Variants in NHSL1 observed in about 807,000 individuals in gnomAD.
The protein encoded by NHSL1 is NHS like 1, also known as NHS-like protein 1.
A neutral mutation model predicts 95.0 loss-of-function variants in NHSL1; 48 were observed. The observed-to-expected ratio is 0.51, with a 90% CI of 0.40 to 0.64. NHSL1 has a LOEUF of 0.64. NHSL1 is among the 30% of genes least tolerant of loss of function. The pLI, the probability that NHSL1 is intolerant of heterozygous loss-of-function variation, is 0.00. For missense variants in NHSL1, 1,971 were observed against 2,077.7 expected (o/e 0.95, Z 1.00); for synonymous variants, 783 against 833.9 (o/e 0.94, Z 1.05).
Position 138,423,878 on chromosome 6 carries a change from C to T in NHSL1, c.*203G>A, listed in dbSNP as rs1775067082. On this transcript the variant is annotated 3_prime_UTR_variant, in exon 8 of 8. Transcript: ENST00000343505. ...GCACTTTCAGAAGTTTAAGCTTCTA[C>T]TTGTTCTTAAGCCACAGGGCAAGTG... 3.2e-6 allele frequency: 1 copy of T among 307,972 alleles called. No individual in the cohort carries two copies. Among genetic ancestry groups the T allele is most frequent in the South Asian group, 1.6e-4 (1 of 6,188 alleles). The allele number at this position is 307,972 out of a possible 1,614,324, so 19.1% of individuals were successfully genotyped here.
chr6:138,555,288 G>A (rs906784075), intron 1 of NHSL1, among the ~76,000 whole-genome samples: 1 of 152,148 alleles, frequency 6.6e-6, no homozygotes, highest in African/African-American at 2.4e-5. Context: ...TCATGGTAAT[G>A]GCTGGGATTT....
At position 138,433,506 on chromosome 6, in the gene NHSL1, C is replaced by T; in HGVS notation, c.839G>A (p.Arg280Lys). 6.4e-7 allele frequency: 1 copy of T among 1,552,050 alleles called. No homozygotes were observed. Among genetic ancestry groups the T allele is most frequent in the African/African-American group, 1.4e-5 (1 of 73,154 alleles). ...AGCAATGCCTTGCCCCTTCTGTGCC[C>T]TGATTCTCCTCATGGAAGGTGGTAC... is the stretch of plus-strand genomic sequence containing the variant. ...KVVPPSMRRIRAQKGQGIAAQ... is the reference protein window; with the variant it reads ...KVVPPSMRRIKAQKGQGIAAQ... Residue 280 changes from arginine to lysine, a missense_variant, in exon 6 of 8, where the codon AGG becomes AAG. Physicochemically the swap from Arg to Lys is conservative, Grantham distance 26. This residue lies in a region of NHSL1 where 1,602 missense variants were observed against 1,654.5 expected (regional missense o/e 0.97). Coordinates refer to ENST00000343505, the MANE Select transcript of NHSL1 (RefSeq NM_001144060.2).
chr6:138,498,302 C>T (rs1780477971), intron 1 of NHSL1, among the ~76,000 whole-genome samples: 3 of 152,206 alleles, frequency 2.0e-5, no homozygotes, highest in South Asian at 2.1e-4. Flanking sequence ...ATCAATCGCA[C>T]CATCGGCCCC....
chr6:138,596,991 T>C (rs1467467897), intron 1 of NHSL1, among the ~76,000 whole-genome samples: 1 of 152,034 alleles, frequency 6.6e-6, no homozygotes, highest in East Asian at 1.9e-4. Context: ...AAACCCTGTC[T>C]CTACCAAAAA....
intron 1 of NHSL1, among the ~76,000 whole-genome samples, chr6:138,558,131 CT>C (rs952535314): frequency 2.2e-4 from 33 of 150,552 alleles, no homozygotes; most frequent in East Asian, 1.2e-3. Context: ...TTTTGGGGGG[CT>C]TTTTTTTTGA....
At chr6:138,541,690 GT>G (rs1782587329) in intron 1 of NHSL1, among the ~76,000 whole-genome samples, 2 of 152,126 alleles carry the variant, frequency 1.3e-5, no homozygotes, top group Middle Eastern at 3.4e-3. Context: ...TTTGTTTTTT[GT>G]TTTTCCCCTT....
At position 138,654,530 on chromosome 6, in the gene NHSL1, T is replaced by A. The variant is rs559910348; in HGVS notation, c.96+37946A>T. On this transcript the variant is annotated intron_variant, in intron 1 of 3. Transcript: ENST00000491526. ...TACAATCATATTTTTTAAATTATTT[T>A]AATTTTTTTAAAGAAATACTAAGAA... is the stretch of plus-strand genomic sequence containing the variant. 4.1e-4 allele frequency among the ~76,000 whole-genome samples: 63 copies of A among 152,346 alleles called. 1 individual carries two copies. Among genetic ancestry groups the A allele is most frequent in the South Asian group, 1.0e-3 (5 of 4,828 alleles).
At chr6:138,585,078 C>T (rs58003101) in intron 1 of NHSL1, among the ~76,000 whole-genome samples, 27,612 of 152,102 alleles carry the variant, frequency 0.18, 3,215 homozygotes, top group East Asian at 0.38. Flanking sequence ...AAGTGAGAAA[C>T]GCACATTATT....
chr6:138,572,113 G>T (rs533944428), exon 1 of NHSL1: 4 of 547,740 alleles, frequency 7.3e-6, no homozygotes, highest in Non-Finnish European at 1.3e-5. Flanking sequence ...AGAAAGAAAA[G>T]AAAAATGTTT....
chr6:138,552,948 G>A (rs1229949246), intron 1 of NHSL1, among the ~76,000 whole-genome samples: 1 of 152,154 alleles, frequency 6.6e-6, no homozygotes, highest in Non-Finnish European at 1.5e-5. Flanking sequence ...TTGAGACAGA[G>A]TACTCCTTGG....
At chr6:138,458,192 T>G (rs963460071) in intron 3 of NHSL1, among the ~76,000 whole-genome samples, 1 of 152,092 alleles carries the variant, frequency 6.6e-6, no homozygotes, top group Non-Finnish European at 1.5e-5. Flanking sequence ...AAGATTTAGG[T>G]CTATTTCTAG....
chr6:138,684,053 A>T (rs369751819), intron 1 of NHSL1, among the ~76,000 whole-genome samples: 11 of 152,014 alleles, frequency 7.2e-5, no homozygotes, highest in Admixed American at 2.0e-4. Flanking sequence ...TCTACTAAAA[A>T]TACAAAAAAT....
At chr6:138,680,626 AT>A (rs1206889134) in intron 1 of NHSL1, among the ~76,000 whole-genome samples, 1 of 151,914 alleles carries the variant, frequency 6.6e-6, no homozygotes, top group South Asian at 2.1e-4. Context: ...CTTTTATTTT[AT>A]TTTTTTTAAA....
chr6:138,528,140 C>T (rs1229442997), intron 1 of NHSL1, among the ~76,000 whole-genome samples: 1 of 152,090 alleles, frequency 6.6e-6, no homozygotes, highest in African/African-American at 2.4e-5. Flanking sequence ...AATTATAAAG[C>T]TGTATAAGTA....
chr6:138,628,567 T>C (rs542932067), intron 1 of NHSL1, among the ~76,000 whole-genome samples: 3 of 152,274 alleles, frequency 2.0e-5, no homozygotes, highest in South Asian at 2.1e-4. Context: ...ATGAGAATTA[T>C]TCAATCATGT....
At chr6:138,679,750 A>G (rs1463418046) in intron 1 of NHSL1, among the ~76,000 whole-genome samples, 2 of 152,058 alleles carry the variant, frequency 1.3e-5, no homozygotes, top group African/African-American at 4.8e-5. Flanking sequence ...ATGCACCCCA[A>G]TGCCTCTCGT....
chr6:138,628,912 G>T (rs1003395366), intron 1 of NHSL1, among the ~76,000 whole-genome samples: 1 of 152,138 alleles, frequency 6.6e-6, no homozygotes, highest in African/African-American at 2.4e-5. Context: ...AGTAAATATC[G>T]ATGGGATGAA....
intron 1 of NHSL1, among the ~76,000 whole-genome samples, chr6:138,585,468 G>A (rs1014294985): frequency 6.6e-6 from 1 of 152,110 alleles, no homozygotes; most frequent in South Asian, 2.1e-4. Context: ...ACAAGTTAAA[G>A]GAAATTACTA....
At position 138,589,069 on chromosome 6, in the gene NHSL1, T is replaced by G. The variant is rs1220997589; in HGVS notation, c.97-92698A>C. 2.6e-5 allele frequency among the ~76,000 whole-genome samples: 4 copies of G among 151,322 alleles called. No individual in the cohort carries two copies. In the East Asian group the frequency reaches 7.8e-4, roughly 29 times the overall value. ...GGTGGGTGGACCATCAGGGAGGGAG[T>G]ATTTGTATCCTAACACCCGCCAAAA... On this transcript the variant is annotated intron_variant, in intron 1 of 3. Transcript: ENST00000491526.
Sources: allele counts gnomAD v4.1 joint callset (sites outside exome capture counted in the v4.1 genomes callset), GRCh38; gene constraint gnomAD v4.1.1; regional missense constraint gnomAD v4.1.1; transcripts MANE v1.5; gene names NCBI Gene and HGNC (gene_info 2026-07-23, HGNC 2026-07-21).